Variants in GALNT7 observed in about 807,000 individuals in gnomAD.
GALNT7 encodes the protein N-acetylgalactosaminyltransferase 7.
In GALNT7, 60 loss-of-function variants were observed where a neutral mutation model predicts 82.1. The ratio of observed to expected loss-of-function variants is 0.73; its 90% CI spans 0.59 to 0.91. The LOEUF (loss-of-function observed/expected upper bound fraction) is 0.91, where lower values mean the gene tolerates loss of function less well. GALNT7 is among the 40% of genes least tolerant of loss of function. The probability of loss-of-function intolerance (pLI) is 0.00; values close to 1 mark genes in which losing one functional copy is unlikely to be tolerated. For missense variants in GALNT7, 660 were observed against 804.2 expected, an observed-to-expected ratio of 0.82 and a Z score of 2.17; for synonymous variants, 243 against 275.1, an observed-to-expected ratio of 0.88 and a Z score of 1.15.
chr4:173,268,943 ATAATAAG>A (rs1034229807), intron 2 of GALNT7, among the ~76,000 whole-genome samples: 22 of 152,304 alleles, frequency 1.4e-4, no homozygotes, highest in Non-Finnish European at 2.5e-4. Flanking sequence ...GAATCCACAA[ATAATAAG>A]GAGCCACTGA....
chr4:173,209,212 G>A (rs1358198536), intron 1 of GALNT7, among the ~76,000 whole-genome samples: 1 of 152,122 alleles, frequency 6.6e-6, no homozygotes, highest in South Asian at 2.1e-4. Flanking sequence ...ACCATCCCCC[G>A]ACATCATTGT....
At chr4:173,303,210 A>G (rs1278763351) in intron 7 of GALNT7, among the ~76,000 whole-genome samples, 6 of 152,134 alleles carry the variant, frequency 3.9e-5, no homozygotes, top group South Asian at 4.1e-4. Flanking sequence ...AAAAAAAAGA[A>G]AGAGCGAGCG....
At chr4:173,282,165 T>C (rs1736136260) in intron 2 of GALNT7, among the ~76,000 whole-genome samples, 1 of 152,186 alleles carries the variant, frequency 6.6e-6, no homozygotes, top group African/African-American at 2.4e-5. Flanking sequence ...ACTCCCCTTA[T>C]CTTATGCAGC....
chr4:173,266,541 T>C (rs779919864), intron 2 of GALNT7, among the ~76,000 whole-genome samples: 2 of 152,206 alleles, frequency 1.3e-5, no homozygotes, highest in Non-Finnish European at 2.9e-5. Flanking sequence ...TTTATAGTAA[T>C]AAAAATTTTT....
Position 173,279,456 on chromosome 4 carries a change from G to A in GALNT7, c.588-12652G>A, listed in dbSNP as rs1314056285. Among the ~76,000 whole-genome samples the A allele has an allele frequency of 2.0e-5, 3 of 152,236 alleles. No individual in the cohort carries two copies. In the East Asian group the frequency reaches 5.8e-4, roughly 29 times the overall value. On this transcript the variant is annotated intron_variant, in intron 2 of 11. Transcript: ENST00000265000. ...ACTACATTTTAACATGAGATTTGTGGGGGGCAAACATCCAAACTATATCAA... is the reference window on the plus strand; with the variant it reads ...ACTACATTTTAACATGAGATTTGTGAGGGGCAAACATCCAAACTATATCAA...
intron 2 of GALNT7, among the ~76,000 whole-genome samples, chr4:173,280,148 C>T (rs557277546): frequency 6.6e-6 from 1 of 152,238 alleles, no homozygotes; most frequent in South Asian, 2.1e-4. Flanking sequence ...AAGTAAGAAA[C>T]AACCTTTAAG....
intron 5 of GALNT7, among the ~76,000 whole-genome samples, chr4:173,297,368 C>T (rs1044264166): frequency 3.3e-5 from 5 of 152,002 alleles, no homozygotes; most frequent in African/African-American, 4.8e-5. Flanking sequence ...TTGAGAGAAC[C>T]GCTAAGAATG....
chr4:173,259,825 A>G (rs1735191750), intron 2 of GALNT7, among the ~76,000 whole-genome samples: 1 of 151,998 alleles, frequency 6.6e-6, no homozygotes, highest in Non-Finnish European at 1.5e-5. Flanking sequence ...TTTAGCAGAG[A>G]CGGGGTTTTG....
chr4:173,222,878 A>T (rs528082956), intron 1 of GALNT7, among the ~76,000 whole-genome samples: 1 of 152,346 alleles, frequency 6.6e-6, no homozygotes, highest in African/African-American at 2.4e-5. Context: ...TGTTTTAAAT[A>T]AAATGACTAT....
intron 1 of GALNT7, among the ~76,000 whole-genome samples, chr4:173,177,681 T>C (rs1732092953): frequency 6.6e-6 from 1 of 152,222 alleles, no homozygotes; most frequent in African/African-American, 2.4e-5. Context: ...TGTTAAAATG[T>C]TTGAGAACTG....
intron 2 of GALNT7, among the ~76,000 whole-genome samples, chr4:173,269,985 C>T (rs1465814044): frequency 6.6e-6 from 1 of 152,130 alleles, no homozygotes; most frequent in Non-Finnish European, 1.5e-5. Context: ...AAGTCGTTTA[C>T]AAAAGTCCTG....
At position 173,322,640 on chromosome 4, in the gene GALNT7, C is replaced by T. The variant is rs569279016; in HGVS notation, c.*923C>T. ...ACTATTATCAGTTGTTATTGTTATC[C>T]CTTGAAAGCGAGGGTGACAAAAACA... On this transcript the variant is annotated 3_prime_UTR_variant, in exon 12 of 12. Coordinates refer to ENST00000265000, the MANE Select transcript of GALNT7 (RefSeq NM_017423.3). 1 of 152,030 alleles carries T rather than the reference C, an allele frequency of 6.6e-6. No homozygotes were observed. Among genetic ancestry groups the T allele is most frequent in the African/African-American group, 2.4e-5 (1 of 41,380 alleles). 9.4% of individuals were successfully genotyped at this position (152,030 alleles called of 1,614,324 possible).
intron 1 of GALNT7, among the ~76,000 whole-genome samples, chr4:173,234,612 C>T (rs931735438): frequency 1.3e-4 from 20 of 152,238 alleles, no homozygotes; most frequent in Admixed American, 9.2e-4. Context: ...CATTTTACTT[C>T]GTAATTACTA....
chr4:173,308,777 C>T (rs1486100162), intron 8 of GALNT7, among the ~76,000 whole-genome samples: 4 of 152,142 alleles, frequency 2.6e-5, no homozygotes, highest in Non-Finnish European at 2.9e-5. Flanking sequence ...GTGGTGGGCA[C>T]CTGCAATCCC....
intron 1 of GALNT7, among the ~76,000 whole-genome samples, chr4:173,196,096 A>G (rs1475773490): frequency 4.0e-5 from 6 of 151,766 alleles, no homozygotes; most frequent in African/African-American, 1.5e-4. Flanking sequence ...TCTAGTTCAT[A>G]TTTTAATACA....
rs561000301 is a variant in GALNT7, at chr4:173,269,832, T to C, written c.587+21392T>C. 5.2e-4 allele frequency among the ~76,000 whole-genome samples: 79 copies of C among 152,310 alleles called. No individual in the cohort carries two copies. The Middle Eastern group carries it at 0.014, about 26-fold the overall frequency. ...CAAAGAAATATACAACAAACTCCGA[T>C]AGACCACGGCCATAAAGTCCAATTT... On this transcript the variant is annotated intron_variant, in intron 2 of 11. Coordinates refer to ENST00000265000, the MANE Select transcript of GALNT7 (RefSeq NM_017423.3).
chr4:173,296,401 T>G (rs941048126), intron 5 of GALNT7, among the ~76,000 whole-genome samples: 1 of 152,198 alleles, frequency 6.6e-6, no homozygotes, highest in Non-Finnish European at 1.5e-5. Context: ...CCAAAAGCCT[T>G]CCTTGCTTCT....
chr4:173,281,411 C>T (rs1736103454), intron 2 of GALNT7, among the ~76,000 whole-genome samples: 1 of 152,160 alleles, frequency 6.6e-6, no homozygotes, highest in Non-Finnish European at 1.5e-5. Flanking sequence ...TCTACAAGAG[C>T]CTGTCGTGTC....
chr4:173,209,708 G>C (rs908803954), intron 1 of GALNT7, among the ~76,000 whole-genome samples: 1 of 150,822 alleles, frequency 6.6e-6, no homozygotes, highest in Non-Finnish European at 1.5e-5. Flanking sequence ...AGGCCATTTC[G>C]TCAGGCTCCC....
Sources: gnomAD v4.1 joint callset for allele counts (sites outside exome capture counted in the v4.1 genomes callset) on GRCh38, gnomAD v4.1.1 for gene constraint, MANE v1.5 for transcripts, NCBI Gene and HGNC (gene_info 2026-07-23, HGNC 2026-07-21) for gene names.